Variants in MZT2A observed in about 807,000 individuals in gnomAD.
MZT2A encodes the protein mitotic-spindle organizing protein 2A.
In MZT2A, 8 loss-of-function variants were observed where a neutral mutation model predicts 12.4. That is an observed-to-expected ratio of 0.64 (90% CI 0.38 to 1.16). MZT2A has a LOEUF of 1.16. Ranked by LOEUF, MZT2A falls within the 50% of genes most tolerant of loss-of-function variation. The probability of loss-of-function intolerance (pLI) is 0.01; values close to 1 mark genes in which losing one functional copy is unlikely to be tolerated. For missense variants in MZT2A, 181 were observed against 223.6 expected (o/e 0.81, Z 1.22); for synonymous variants, 88 against 107.5 (o/e 0.82, Z 1.12).
chr2:131,483,398 G>A (rs897062342), downstream of MZT2A, among the ~76,000 whole-genome samples: 54 of 152,170 alleles, frequency 3.5e-4, no homozygotes, highest in African/African-American at 1.2e-3. Context: ...GCTGACCCCA[G>A]TGCTCCACAG....
At position 131,492,344 on chromosome 2, in the gene MZT2A, C is replaced by T. The variant is rs1306360261; in HGVS notation, c.33G>A (p.Gly11=). The T allele has an allele frequency of 1.6e-6, 2 of 1,242,100 alleles. No homozygotes were observed. The highest frequency in any genetic ancestry group is 2.3e-5 in the Admixed American group (1 of 42,626). The allele number at this position is 1,242,100 out of a possible 1,614,324, so 76.9% of individuals were successfully genotyped here. A position where few individuals can be genotyped will look rare whatever the true frequency, so the allele number is the denominator to read the frequency against. The part of the protein sequence containing the change: MAAQGVGPGP[G]SAAPPGLEAA... The stretch of plus-strand genomic sequence containing the variant: ...CCTCCAGCCCCGGGGGCGCCGCCGA[C>T]CCCGGCCCAGGCCCTACGCCCTGCG... The change falls in exon 1 of 3, where the codon GGG becomes GGA. Residue 11 remains glycine, a synonymous_variant. Coordinates refer to ENST00000309451, the MANE Select transcript of MZT2A (RefSeq NM_001085365.2).
chr2:131,482,864 G>T (rs749301346), downstream of MZT2A: 1 of 1,607,562 alleles, frequency 6.2e-7, no homozygotes, highest in South Asian at 1.1e-5. Flanking sequence ...GGGTGTGGTG[G>T]GTTCTCCCCT....
intron 2 of MZT2A, among the ~76,000 whole-genome samples, chr2:131,485,656 T>C (rs1679024967): frequency 1.3e-5 from 2 of 152,146 alleles, no homozygotes; most frequent in Admixed American, 1.3e-4. Flanking sequence ...TCCCCTGCCA[T>C]CACTTTTAGG....
intron 1 of MZT2A, 67 bp downstream of exon 1, chr2:131,492,140 G>A: frequency 6.5e-7 from 1 of 1,538,388 alleles, no homozygotes; most frequent in South Asian, 1.2e-5. Flanking sequence ...CCAGCGGGCC[G>A]GGCGTACCCG....
chr2:131,474,330 C>T (rs1286611755), intron 2 of MZT2A, among the ~76,000 whole-genome samples: 2 of 151,786 alleles, frequency 1.3e-5, no homozygotes, highest in African/African-American at 4.8e-5. Flanking sequence ...ATCTCCTGAC[C>T]TCGTGATCCG....
chr2:131,480,001 C>T, downstream of MZT2A: 1 of 1,517,360 alleles, frequency 6.6e-7, no homozygotes, highest in Non-Finnish European at 8.8e-7. Flanking sequence ...GAGAAGCGGC[C>T]CTGGCTTGTT....
rs1679295958 is a variant in MZT2A at position 131,491,405 on chromosome 2, G to C, written c.319+471C>G. The C allele has an allele frequency of 1.1e-5, 3 of 278,646 alleles. No homozygotes were observed. In the South Asian group the frequency reaches 1.2e-4, roughly 11 times the overall value. The allele number at this position is 278,646 out of a possible 1,614,324, so 17.3% of individuals were successfully genotyped here. ...CTCCCTGGGCACTTCCCTGGATGCT[G>C]TATACCACAGGACAGAGATCGAGAC... On this transcript the variant is annotated intron_variant, in intron 2 of 2. Coordinates refer to ENST00000309451, the MANE Select transcript of MZT2A (RefSeq NM_001085365.2).
rs987696495 is a variant in MZT2A at position 131,492,235 on chromosome 2, C to T, written c.142G>A (p.Gly48Ser). The change falls in exon 1 of 3, where the codon GGC becomes AGC. Residue 48 changes from glycine to serine, a missense_variant. Around this residue, in one of 3 missense-constraint regions of MZT2A, gnomAD observed 106 missense variants for 127.2 expected, o/e 0.83. Coordinates refer to ENST00000309451, the MANE Select transcript of MZT2A (RefSeq NM_001085365.2). ...MELYELAQAA[G>S]GGIDPDVFKI... Reference sequence around the variant, plus strand: ...AACACGTCGGGGTCGATACCGCCGCCCGCCGCCTGAGCCAGCTCGTACAGC... The same window carrying T: ...AACACGTCGGGGTCGATACCGCCGCTCGCCGCCTGAGCCAGCTCGTACAGC... 5.0e-6 allele frequency: 8 copies of T among 1,584,858 alleles called. No individual in the cohort carries two copies. The highest frequency in any genetic ancestry group is 1.3e-5 in the African/African-American group (1 of 74,080).
At chr2:131,492,678 C>T (rs6711063), upstream of MZT2A, 14,015 of 1,265,788 alleles carry the variant, frequency 0.011, 1,306 homozygotes, top group African/African-American at 0.19. Context: ...GGTGGCAGCA[C>T]CCAGCCCAGT....
chr2:131,478,090 A>G, intron 2 of MZT2A: 10 of 1,548,470 alleles, frequency 6.5e-6, no homozygotes, highest in Non-Finnish European at 8.7e-6. Flanking sequence ...ATATTAAATT[A>G]GAATATTTTG....
At chr2:131,480,553 C>T (rs1474196601), downstream of MZT2A, 9 of 1,609,828 alleles carry the variant, frequency 5.6e-6, no homozygotes, top group South Asian at 8.8e-5. Flanking sequence ...GAGCAGCTGT[C>T]TGTGGCCGAG....
intron 2 of MZT2A, among the ~76,000 whole-genome samples, chr2:131,489,201 C>CTTT (rs397873005): frequency 6.9e-6 from 1 of 145,644 alleles, no homozygotes. Flanking sequence ...CCTTTCTTTT[C>CTTT]TTTTTTTTTT....
At chr2:131,482,913 T>G (rs563625694), downstream of MZT2A, 6 of 1,570,182 alleles carry the variant, frequency 3.8e-6, no homozygotes, top group East Asian at 2.2e-5. Context: ...TGTTTGCAAT[T>G]AAAGGTTCTG....
chr2:131,490,538 C>A, intron 2 of MZT2A: 1 of 1,473,794 alleles, frequency 6.8e-7, no homozygotes, highest in Non-Finnish European at 9.0e-7. Flanking sequence ...ACTGCCACAC[C>A]ATGTCTCTAA....
intron 2 of MZT2A, among the ~76,000 whole-genome samples, chr2:131,487,698 C>A (rs1310657593): frequency 1.3e-5 from 2 of 152,246 alleles, no homozygotes; most frequent in Non-Finnish European, 2.9e-5. Context: ...TCAAGTGATG[C>A]TCCTGCCTCA....
downstream of MZT2A, chr2:131,480,594 C>G: frequency 6.2e-7 from 1 of 1,611,968 alleles, no homozygotes; most frequent in Non-Finnish European, 8.5e-7. Flanking sequence ...GCCAGCCAAT[C>G]AAATGGTCAA....
At chr2:131,477,037 CT>C (rs1229461335) in intron 2 of MZT2A, among the ~76,000 whole-genome samples, 190 of 108,366 alleles carry the variant, frequency 1.8e-3, no homozygotes, top group Non-Finnish European at 1.3e-3. Context: ...CTTTTTCTTT[CT>C]TTTTTTTTTT....
downstream of MZT2A, chr2:131,480,409 C>T (rs375120577): frequency 1.2e-5 from 19 of 1,588,476 alleles, no homozygotes; most frequent in Admixed American, 1.0e-4. Context: ...TCCTCCATCA[C>T]AGCCTCCCTG....
chr2:131,490,397 GC>G lies in MZT2A; in HGVS notation c.319+1478del, dbSNP rs201787573. The G allele has an allele frequency of 1.6e-4, 189 of 1,191,622 alleles. 1 individual carries two copies. In the African/African-American group the frequency reaches 2.5e-3, roughly 16 times the overall value. 73.8% of individuals were successfully genotyped at this position (1,191,622 alleles called of 1,614,324 possible). A position where few individuals can be genotyped will look rare whatever the true frequency, so the allele number is the denominator to read the frequency against. ...GTCACGCCTGGGGCTGTGCTCTCCAGCAGAGCACACTGCACCCGGCTGGCTG... is the reference window on the plus strand; with the variant it reads ...GTCACGCCTGGGGCTGTGCTCTCCAGAGAGCACACTGCACCCGGCTGGCTG... On this transcript the variant is annotated intron_variant, in intron 2 of 2. Coordinates refer to ENST00000309451, the MANE Select transcript of MZT2A (RefSeq NM_001085365.2).
Sources: gnomAD v4.1 joint callset for allele counts (sites outside exome capture counted in the v4.1 genomes callset) on GRCh38, gnomAD v4.1.1 for gene constraint, gnomAD v4.1.1 regional missense constraint, MANE v1.5 for transcripts, NCBI Gene and HGNC (gene_info 2026-07-23, HGNC 2026-07-21) for gene names.